The following CYP2C19 variants were observed in gnomAD, a reference collection of about 807,000 sequenced individuals.
The protein encoded by CYP2C19 is cytochrome P450 2C19.
Under a neutral mutation model 40.9 loss-of-function variants are expected in CYP2C19, and 59 were observed. That is an observed-to-expected ratio of 1.44 (90% confidence interval 1.17 to 1.79). The LOEUF (loss-of-function observed/expected upper bound fraction) is 1.79, where lower values mean the gene tolerates loss of function less well. CYP2C19 is among the 40% of genes most tolerant of loss of function. The pLI, the probability that CYP2C19 is intolerant of heterozygous loss-of-function variation, is 0.00. For missense variants in CYP2C19, 754 were observed against 596.9 expected, an observed-to-expected ratio of 1.26 and a Z score of -2.74; for synonymous variants, 253 against 208.7, an observed-to-expected ratio of 1.21 and a Z score of -1.83.
At chr10:94,770,815 T>C (rs181883763) in intron 1 of CYP2C19, among the ~76,000 whole-genome samples, 3 of 152,256 alleles carry the variant, frequency 2.0e-5, no homozygotes, top group African/African-American at 7.2e-5. Context: ...GGTCAACAGA[T>C]GTTTATGACT....
chr10:94,803,374 A>G (rs1367919253), intron 5 of CYP2C19, among the ~76,000 whole-genome samples: 2 of 152,092 alleles, frequency 1.3e-5, no homozygotes, highest in Non-Finnish European at 1.5e-5. Context: ...GTGCAGTTTG[A>G]CATACATGTC....
At chr10:94,800,629 A>T (rs1194033211) in intron 5 of CYP2C19, among the ~76,000 whole-genome samples, 3 of 151,846 alleles carry the variant, frequency 2.0e-5, no homozygotes, top group African/African-American at 7.2e-5. Context: ...CTTGCCCTGG[A>T]TTCTATAGAG....
chr10:94,820,452 G>A, intron 5 of CYP2C19, 44 bp from the exon 6 acceptor site: 1 of 1,605,960 alleles, frequency 6.2e-7, no homozygotes, highest in Non-Finnish European at 8.5e-7. Flanking sequence ...CATCAAATAT[G>A]CTGTTAAATA....
chr10:94,797,959 T>C (rs1318162967), intron 5 of CYP2C19, among the ~76,000 whole-genome samples: 1 of 152,148 alleles, frequency 6.6e-6, no homozygotes. Context: ...ATTCATTGAT[T>C]TTTTTAAAGG....
At chr10:94,786,173 C>T (rs1167661132) in intron 5 of CYP2C19, among the ~76,000 whole-genome samples, 8 of 152,016 alleles carry the variant, frequency 5.3e-5, no homozygotes, top group African/African-American at 1.4e-4. Context: ...TCCTGGGGTA[C>T]GATGACAAAC....
At chr10:94,795,964 TG>T (rs1564667638) in intron 5 of CYP2C19, among the ~76,000 whole-genome samples, 1 of 152,212 alleles carries the variant, frequency 6.6e-6, no homozygotes, top group African/African-American at 2.4e-5. Context: ...TTCACTCTGA[TG>T]GTAGTTTCTT....
intron 5 of CYP2C19, among the ~76,000 whole-genome samples, chr10:94,805,973 A>G (rs1366959620): frequency 6.6e-6 from 1 of 152,196 alleles, no homozygotes; most frequent in African/African-American, 2.4e-5. Context: ...TGGCTTGCCC[A>G]AAGAGAAGTG....
chr10:94,831,337 C>T (rs1849332097), intron 6 of CYP2C19, among the ~76,000 whole-genome samples: 1 of 152,222 alleles, frequency 6.6e-6, no homozygotes, highest in Non-Finnish European at 1.5e-5. Context: ...CTGCAACAAA[C>T]ACAAGAGTGC....
intron 5 of CYP2C19, among the ~76,000 whole-genome samples, chr10:94,791,785 G>A (rs1041026390): frequency 6.6e-6 from 1 of 152,030 alleles, no homozygotes; most frequent in Non-Finnish European, 1.5e-5. Flanking sequence ...TTTACTTCCA[G>A]CTATGTGGTC....
At position 94,764,100 on chromosome 10, in the gene CYP2C19, T is replaced by C. The variant is rs111631583; in HGVS notation, c.168+1227T>C. ...CCTTTGCGGTGAGTGTTATAGCTCA[T>C]AAAGGTAGTGTGGACCCAAAGAGTG... On this transcript the variant is annotated intron_variant, in intron 1 of 8. Coordinates refer to ENST00000371321, the MANE Select transcript of CYP2C19 (RefSeq NM_000769.4). Among the ~76,000 whole-genome samples the C allele has an allele frequency of 5.6e-3, 858 of 152,206 alleles. 13 individuals are homozygous for C. Among genetic ancestry groups the C allele is most frequent in the African/African-American group, 0.019 (784 of 41,550 alleles).
intron 5 of CYP2C19, among the ~76,000 whole-genome samples, chr10:94,792,737 G>A (rs753371396): frequency 9.2e-5 from 14 of 152,264 alleles, no homozygotes; most frequent in Admixed American, 2.0e-4. Context: ...TTAGTCTGAT[G>A]GGCTTCCCTT....
At chr10:94,827,454 G>A (rs542490238) in intron 6 of CYP2C19, among the ~76,000 whole-genome samples, 2 of 152,004 alleles carry the variant, frequency 1.3e-5, no homozygotes, top group Non-Finnish European at 1.5e-5. Flanking sequence ...TTGCATAGAG[G>A]TGTTTGTAGT....
chr10:94,784,840 T>G (rs1305403923), intron 5 of CYP2C19, among the ~76,000 whole-genome samples: 4 of 152,074 alleles, frequency 2.6e-5, no homozygotes, highest in Non-Finnish European at 5.9e-5. Context: ...TCTGCCCACC[T>G]TGGCATCCCT....
intron 6 of CYP2C19, among the ~76,000 whole-genome samples, chr10:94,827,623 T>C (rs1369805166): frequency 6.6e-6 from 1 of 152,218 alleles, no homozygotes; most frequent in African/African-American, 2.4e-5. Flanking sequence ...AGCTCCTGGA[T>C]TCATTAATTT....
At chr10:94,816,395 A>T (rs940916676) in intron 5 of CYP2C19, among the ~76,000 whole-genome samples, 1 of 152,110 alleles carries the variant, frequency 6.6e-6, no homozygotes, top group Non-Finnish European at 1.5e-5. Context: ...AGTAGTATCA[A>T]AAGTGAGTGC....
In CYP2C19 at chr10:94,778,791, C is replaced by T. The variant is rs116121534; in HGVS notation, c.482-1708C>T. Among the ~76,000 whole-genome samples the T allele has an allele frequency of 3.1e-3, 471 of 152,274 alleles. 3 individuals carry two copies. Among genetic ancestry groups the T allele is most frequent in the African/African-American group, 0.011 (449 of 41,572 alleles). ...TATACCCAAAGGGCTATAAACCATT[C>T]TACTATAAAGATACATACAAACGTA... On this transcript the variant is annotated intron_variant, in intron 3 of 8. Coordinates refer to ENST00000371321, the MANE Select transcript of CYP2C19 (RefSeq NM_000769.4).
intron 1 of CYP2C19, among the ~76,000 whole-genome samples, chr10:94,772,989 G>A (rs1273238900): frequency 2.6e-5 from 4 of 151,906 alleles, no homozygotes; most frequent in African/African-American, 4.8e-5. Flanking sequence ...CACCTTGTTA[G>A]CCAGGATGGT....
At chr10:94,796,424 A>G (rs1230559298) in intron 5 of CYP2C19, among the ~76,000 whole-genome samples, 3 of 152,206 alleles carry the variant, frequency 2.0e-5, no homozygotes, top group Non-Finnish European at 2.9e-5. Context: ...GAAGTGAGGT[A>G]GCATGATGCC....
chr10:94,792,129 G>A (rs1409665009), intron 5 of CYP2C19, among the ~76,000 whole-genome samples: 1 of 152,056 alleles, frequency 6.6e-6, no homozygotes, highest in East Asian at 1.9e-4. Context: ...GGCCTAGTTT[G>A]TCTCTTTTGA....
Sources: gnomAD v4.1 joint callset for allele counts (sites outside exome capture counted in the v4.1 genomes callset) on GRCh38, gnomAD v4.1.1 for gene constraint, MANE v1.5 for transcripts, NCBI Gene and HGNC (gene_info 2026-07-23, HGNC 2026-07-21) for gene names.